SCN9A: variants seen among roughly 807,000 people sequenced by gnomAD.
SCN9A encodes sodium voltage-gated channel alpha subunit 9, also known as sodium channel protein type 9 subunit alpha.
In SCN9A, 131 loss-of-function variants were observed where a neutral mutation model predicts 187.0. That is an observed-to-expected ratio of 0.70 (90% CI 0.61 to 0.81). SCN9A has a LOEUF of 0.81. Ranked by LOEUF, SCN9A falls within the 30% of genes least tolerant of loss-of-function variation. The probability of loss-of-function intolerance (pLI) is 0.00; values close to 1 mark genes in which losing one functional copy is unlikely to be tolerated. For synonymous variants in SCN9A, 809 were observed against 808.6 expected (o/e 1.00, Z -0.01); for missense variants, 2,252 against 2,396.6 (o/e 0.94, Z 1.26).
At chr2:166,262,638 A>G (rs1049845004) in intron 17 of SCN9A, among the ~76,000 whole-genome samples, 3 of 152,028 alleles carry the variant, frequency 2.0e-5, no homozygotes, top group South Asian at 4.1e-4. Context: ...GGCATGTAGT[A>G]TAATGATTAC....
rs1009518873 is a variant in SCN9A at position 166,244,706 on chromosome 2, A to C, written c.3473-2050T>G. ...AACTCTTCTTTCTGGATGCTGGTCT[A>C]TTCTATCTGGCCTATTCTATCTGGA... On this transcript the variant is annotated intron_variant, in intron 18 of 26. Coordinates refer to ENST00000642356, the MANE Select transcript of SCN9A (RefSeq NM_001365536.1). Among the ~76,000 whole-genome samples, 100 of 151,928 alleles carry C rather than the reference A, an allele frequency of 6.6e-4. 1 individual carries two copies. Among genetic ancestry groups the C allele is most frequent in the Non-Finnish European group, 2.1e-4 (14 of 67,924 alleles).
chr2:166,208,172 G>T (rs1182677131), intron 24 of SCN9A, among the ~76,000 whole-genome samples: 1 of 152,120 alleles, frequency 6.6e-6, no homozygotes, highest in Non-Finnish European at 1.5e-5. Context: ...TGTAAGTCAG[G>T]CTAGTTTTTT....
chr2:166,233,112 A>G (rs1194489512), intron 21 of SCN9A, among the ~76,000 whole-genome samples: 2 of 148,144 alleles, frequency 1.4e-5, no homozygotes, highest in Non-Finnish European at 3.0e-5. Flanking sequence ...TGCATACTAT[A>G]TATAGTATAT....
Position 166,272,384 on chromosome 2 carries a change from A to T in SCN9A, c.3351+15T>A. 1 of 1,429,812 alleles carries T rather than the reference A, an allele frequency of 7.0e-7. No individual in the cohort carries two copies. The highest frequency in any genetic ancestry group is 1.3e-5 in the South Asian group (1 of 74,768). The allele number at this position is 1,429,812 out of a possible 1,614,324, so 88.6% of individuals were successfully genotyped here. On this transcript the variant is annotated intron_variant, in intron 17 of 26. Coordinates refer to ENST00000642356, the MANE Select transcript of SCN9A (RefSeq NM_001365536.1). ...ATTGTTAATATGAAACACAAAGTAT[A>T]TGAAGCATTCTTACCACTTTGCTGT...
intron 1 of SCN9A, among the ~76,000 whole-genome samples, chr2:166,338,848 A>G (rs1158675313): frequency 6.6e-6 from 1 of 152,186 alleles, no homozygotes; most frequent in Non-Finnish European, 1.5e-5. Context: ...CTAAAGCGTT[A>G]TCTATGGAAT....
In SCN9A at chr2:166,195,960, G is replaced by C. The variant is rs983106755; in HGVS notation, c.*2712C>G. The C allele has an allele frequency of 6.6e-6, 1 of 152,200 alleles. No homozygotes were observed. Among genetic ancestry groups the C allele is most frequent in the Non-Finnish European group, 1.5e-5 (1 of 68,136 alleles). The allele number at this position is 152,200 out of a possible 1,614,324, so 9.4% of individuals were successfully genotyped here. ...CTACTTGGGAGGCTGAGGCAGGAGGGTTGCTTGAGCCCAGAGTTGAGGCTG... is the reference window on the plus strand; with the variant it reads ...CTACTTGGGAGGCTGAGGCAGGAGGCTTGCTTGAGCCCAGAGTTGAGGCTG... On this transcript the variant is annotated 3_prime_UTR_variant, in exon 27 of 27. Coordinates refer to ENST00000642356, the MANE Select transcript of SCN9A (RefSeq NM_001365536.1).
intron 17 of SCN9A, among the ~76,000 whole-genome samples, chr2:166,262,989 T>C (rs1197520870): frequency 1.3e-5 from 2 of 151,932 alleles, no homozygotes; most frequent in Non-Finnish European, 2.9e-5. Flanking sequence ...CTGCCAAAAG[T>C]GTTGGATGCT....
intron 1 of SCN9A, among the ~76,000 whole-genome samples, chr2:166,319,568 T>C (rs1361653280): frequency 1.3e-5 from 2 of 152,104 alleles, no homozygotes; most frequent in East Asian, 3.9e-4. Context: ...AGAGTTTGAA[T>C]GAGAGGTTTA....
intron 1 of SCN9A, among the ~76,000 whole-genome samples, chr2:166,331,959 TC>T (rs1181436618): frequency 2.6e-5 from 4 of 152,120 alleles, no homozygotes; most frequent in African/African-American, 9.7e-5. Context: ...AACAGGTATT[TC>T]CCATTGTGTG....
At chr2:166,201,276 C>CTATACA (rs1016783432) in intron 26 of SCN9A, among the ~76,000 whole-genome samples, 2 of 143,798 alleles carry the variant, frequency 1.4e-5, no homozygotes, top group South Asian at 4.2e-4. Context: ...TATACATATA[C>CTATACA]TATACATATA....
intron 1 of SCN9A, among the ~76,000 whole-genome samples, chr2:166,347,903 T>C (rs763649134): frequency 1.3e-5 from 2 of 151,038 alleles, no homozygotes; most frequent in Non-Finnish European, 3.0e-5. Context: ...GATAAATATT[T>C]AAAAAAAAAC....
intron 2 of SCN9A, among the ~76,000 whole-genome samples, chr2:166,311,078 C>G (rs1218042062): frequency 1.3e-5 from 1 of 77,834 alleles, no homozygotes; most frequent in African/African-American, 6.0e-5. Flanking sequence ...AGGGGAATAT[C>G]ACACTCTAGG....
chr2:166,289,884 C>G (rs1697962476), intron 9 of SCN9A, among the ~76,000 whole-genome samples: 1 of 152,070 alleles, frequency 6.6e-6, no homozygotes, highest in African/African-American at 2.4e-5. Flanking sequence ...TTGCATTTCT[C>G]TAATGGCCAG....
intron 24 of SCN9A, among the ~76,000 whole-genome samples, chr2:166,219,110 C>G (rs1694469592): frequency 6.6e-6 from 1 of 152,108 alleles, no homozygotes; most frequent in Non-Finnish European, 1.5e-5. Flanking sequence ...TGCCTACACA[C>G]TGTTGATGGG....
chr2:166,224,720 G>T lies in SCN9A; in HGVS notation c.4398+1847C>A, dbSNP rs73969627. The stretch of plus-strand genomic sequence containing the variant: ...TAGTGTGGTCCAGGTGGCAGGTCAA[G>T]CAGGGTCTGAAATAGTCTTTGGTCC... On this transcript the variant is annotated intron_variant, in intron 24 of 26. Coordinates refer to ENST00000642356, the MANE Select transcript of SCN9A (RefSeq NM_001365536.1). Among the ~76,000 whole-genome samples the T allele has an allele frequency of 2.1e-3, 324 of 152,234 alleles. 3 individuals carry two copies. Among genetic ancestry groups the T allele is most frequent in the African/African-American group, 7.5e-3 (311 of 41,548 alleles).
Position 166,317,187 on chromosome 2 carries a change from C to A in SCN9A, c.-50-5381G>T, listed in dbSNP as rs573944942. On this transcript the variant is annotated intron_variant, in intron 1 of 26. Transcript: ENST00000642356. ...TACTTTACTTTTCAAATTTGTACAA[C>A]GAAAATGTCATGTTTTTCTATCCAG... Among the ~76,000 whole-genome samples, 215 of 151,434 alleles carry A rather than the reference C, an allele frequency of 1.4e-3. 1 individual carries two copies. The highest frequency in any genetic ancestry group is 5.1e-3 in the African/African-American group (210 of 41,356).
intron 19 of SCN9A, among the ~76,000 whole-genome samples, chr2:166,241,515 C>T (rs1276827524): frequency 6.6e-6 from 1 of 152,112 alleles, no homozygotes; most frequent in East Asian, 1.9e-4. Flanking sequence ...TTCTTCTTCC[C>T]ACCACACTTG....
intron 1 of SCN9A, among the ~76,000 whole-genome samples, chr2:166,359,298 G>A (rs1162497597): frequency 6.6e-6 from 1 of 151,906 alleles, no homozygotes; most frequent in East Asian, 1.9e-4. Flanking sequence ...TAAATTAAAA[G>A]GTTAAAAGGA....
At chr2:166,357,292 G>A (rs1217902780) in intron 1 of SCN9A, among the ~76,000 whole-genome samples, 2 of 152,122 alleles carry the variant, frequency 1.3e-5, no homozygotes, top group East Asian at 1.9e-4. Flanking sequence ...TTGTATGTGC[G>A]TTTTTAATTT....
Sources: allele counts gnomAD v4.1 joint callset (sites outside exome capture counted in the v4.1 genomes callset), GRCh38; gene constraint gnomAD v4.1.1; transcripts MANE v1.5; gene names NCBI Gene and HGNC (gene_info 2026-07-23, HGNC 2026-07-21).